OTUD7B: variants seen among roughly 807,000 people sequenced by gnomAD.
OTUD7B encodes the protein OTU domain-containing protein 7B.
Under a neutral mutation model 82.2 loss-of-function variants are expected in OTUD7B, and 34 were observed. The ratio of observed to expected loss-of-function variants is 0.41; its 90% CI spans 0.31 to 0.55. OTUD7B has a LOEUF of 0.55. Among genes scored for constraint, OTUD7B ranks in the 20% least tolerant of loss-of-function variants. The probability of loss-of-function intolerance (pLI) is 0.20; values close to 1 mark genes in which losing one functional copy is unlikely to be tolerated. For synonymous variants in OTUD7B, 398 were observed against 402.7 expected, an observed-to-expected ratio of 0.99 and a Z score of 0.14; for missense variants, 944 against 1,062.1, an observed-to-expected ratio of 0.89 and a Z score of 1.55.
chr1:149,965,679 G>A (rs1262160710), intron 5 of OTUD7B, 98 bp downstream of exon 5: 6 of 817,050 alleles, frequency 7.3e-6, no homozygotes, highest in Non-Finnish European at 8.2e-6. Context: ...CATCATTTCC[G>A]CCTAAGATCA....
At chr1:149,983,303 T>C (rs1397027321) in intron 1 of OTUD7B, among the ~76,000 whole-genome samples, 1 of 152,088 alleles carries the variant, frequency 6.6e-6, no homozygotes, top group Non-Finnish European at 1.5e-5. Context: ...ACACAATCCC[T>C]ATCCTCAAAA....
Position 149,947,283 on chromosome 1 carries a change from C to T in OTUD7B, c.1291G>A (p.Val431Met). 6.2e-7 allele frequency: 1 copy of T among 1,610,636 alleles called. No individual in the cohort carries two copies. Among genetic ancestry groups the T allele is most frequent in the Non-Finnish European group, 8.5e-7 (1 of 1,176,962 alleles). ...TCAGAGGACAGTGGGATCCACTTCA[C>T]ATTCATGTAGCTATGCAGCAGATGC... ...KLHLLHSYMNVKWIPLSSDAQ... is the reference protein window; with the variant it reads ...KLHLLHSYMNMKWIPLSSDAQ... The change falls in exon 11 of 12, where the codon GTG becomes ATG. Residue 431 changes from valine to methionine, a missense_variant. Val to Met is a conservative substitution (Grantham distance 21). Transcript: ENST00000581312.
At chr1:150,009,247 T>G (rs1652866248) in intron 1 of OTUD7B, among the ~76,000 whole-genome samples, 4 of 152,182 alleles carry the variant, frequency 2.6e-5, no homozygotes, top group Admixed American at 1.3e-4. Context: ...AGGAAGAAAA[T>G]TTTCTACATG....
the OTUD7B span, chr1:150,067,177 A>G: frequency 5.3e-5 from 8 of 152,140 alleles, no homozygotes; most frequent in Non-Finnish European, 1.2e-4. Context: ...TTGTTCATTC[A>G]TTCAACAAAT....
At chr1:150,019,294 C>T in the OTUD7B span, among the ~76,000 whole-genome samples, 1 of 152,228 alleles carries the variant, frequency 6.6e-6, no homozygotes, top group Non-Finnish European at 1.5e-5. Flanking sequence ...ACTCTTCACA[C>T]CCTGCCTGAA....
intron 7 of OTUD7B, among the ~76,000 whole-genome samples, chr1:149,954,226 T>C (rs2101764400): frequency 6.6e-6 from 1 of 152,328 alleles, no homozygotes; most frequent in South Asian, 2.1e-4. Flanking sequence ...GTCCCATCAA[T>C]ATCTAGTTTA....
At chr1:150,060,017 T>C in the OTUD7B span, among the ~76,000 whole-genome samples, 5 of 152,088 alleles carry the variant, frequency 3.3e-5, no homozygotes, top group African/African-American at 9.7e-5. Context: ...AAATAGAAGA[T>C]AGTTTAAAAG....
At position 149,944,801 on chromosome 1, in the gene OTUD7B, A is replaced by G. The variant is rs1224458655; in HGVS notation, c.1588T>C (p.Ser530Pro). ...CCTGTCCCCACCCCTCCAGGCTTTG[A>G]ACCCTTGCTGTGCATCAGGCCCCCC... ...NMGGLMHSKG[S>P]KPGGVGTGLG... The change falls in exon 12 of 12, where the codon TCA becomes CCA. Residue 530 changes from serine to proline, a missense_variant. By Grantham distance (74) the Ser-to-Pro change is moderately conservative (BLOSUM62 -1). This residue lies in a region of OTUD7B where 412 missense variants were observed against 418.7 expected (regional missense o/e 0.98). Coordinates refer to ENST00000581312, the MANE Select transcript of OTUD7B (RefSeq NM_020205.4). 6.2e-7 allele frequency: 1 copy of G among 1,613,692 alleles called. No homozygotes were observed. Among genetic ancestry groups the G allele is most frequent in the Middle Eastern group, 1.6e-4 (1 of 6,084 alleles).
intron 1 of OTUD7B, among the ~76,000 whole-genome samples, chr1:149,992,465 G>GTGTT (rs1651639476): frequency 1.1e-4 from 5 of 45,990 alleles, no homozygotes; most frequent in Middle Eastern, 0.018. Context: ...TTGTGTGCAT[G>GTGTT]TGTTTTTTTT....
chr1:150,020,995 T>A, the OTUD7B span, among the ~76,000 whole-genome samples: 4 of 152,234 alleles, frequency 2.6e-5, no homozygotes, highest in Non-Finnish European at 5.9e-5. Flanking sequence ...TCAGTCTCCA[T>A]CCCCTTACTT....
In OTUD7B at chr1:149,944,730, TTTC is replaced by T. The variant is rs587738429; in HGVS notation, c.1656_1658del (p.Lys553del). 18,834 of 1,613,744 alleles carry T rather than the reference TTTC, an allele frequency of 0.012. 140 individuals carry two copies. Among genetic ancestry groups the T allele is most frequent in the Non-Finnish European group, 0.014 (17,024 of 1,179,984 alleles). On this transcript the variant is annotated inframe_deletion, in exon 12 of 12. Transcript: ENST00000581312. ...CACCCTTCCAGCTCTTCAGTGAGTT[TTTC>T]TTCTTCTTCTCCAGTGTCTCAGTGC...
At chr1:149,966,846 T>C (rs1231708635) in intron 4 of OTUD7B, among the ~76,000 whole-genome samples, 1 of 152,192 alleles carries the variant, frequency 6.6e-6, no homozygotes, top group Non-Finnish European at 1.5e-5. Flanking sequence ...CTGATTAGCT[T>C]TTCCAAAATT....
At chr1:150,045,448 C>T in the OTUD7B span, among the ~76,000 whole-genome samples, 2 of 86,916 alleles carry the variant, frequency 2.3e-5, no homozygotes, top group African/African-American at 9.1e-5. Context: ...GCATGCTAAG[C>T]GTGCGCCCTA....
At chr1:149,993,386 C>T (rs1269923381) in intron 1 of OTUD7B, among the ~76,000 whole-genome samples, 1 of 152,144 alleles carries the variant, frequency 6.6e-6, no homozygotes, top group Non-Finnish European at 1.5e-5. Flanking sequence ...GATGCATCAG[C>T]CAATAAGTCG....
At chr1:150,059,306 C>CG in the OTUD7B span, among the ~76,000 whole-genome samples, 45 of 42,288 alleles carry the variant, frequency 1.1e-3, 7 homozygotes, top group South Asian at 7.9e-3. Flanking sequence ...ACCCCCCCCC[C>CG]CCCCGCCTCC....
In OTUD7B at chr1:149,966,933, T is replaced by A. The variant is rs1483585029; in HGVS notation, c.502+361A>T. Among the ~76,000 whole-genome samples the A allele has an allele frequency of 2.6e-5, 4 of 152,252 alleles. No homozygotes were observed. The East Asian group carries it at 5.8e-4, about 22-fold the overall frequency. On this transcript the variant is annotated intron_variant, in intron 4 of 11. Coordinates refer to ENST00000581312, the MANE Select transcript of OTUD7B (RefSeq NM_020205.4). ...AAACACAATTACAAACGTAAATACA[T>A]TTGGGGGGATAGGTTCACTACTGTG...
chr1:149,981,049 AAC>A (rs1286447666), intron 1 of OTUD7B, among the ~76,000 whole-genome samples: 3 of 149,478 alleles, frequency 2.0e-5, no homozygotes, highest in Middle Eastern at 3.2e-3. Context: ...AAGCAAACCA[AAC>A]ACACAGTTTT....
rs1448214875 is a variant in OTUD7B, at chr1:149,947,244, T to C, written c.1323+7A>G. On this transcript the variant is annotated splice_region_variant and intron_variant, in intron 11 of 11. Coordinates refer to ENST00000581312, the MANE Select transcript of OTUD7B (RefSeq NM_020205.4). ...CACACCAGGGTAGATGTGGGAGAAG[T>C]CTTCACCTGTGCATCAGAGGACAGT... is the stretch of plus-strand genomic sequence containing the variant. 2 of 1,546,090 alleles carry C rather than the reference T, an allele frequency of 1.3e-6. No homozygotes were observed. Among genetic ancestry groups the C allele is most frequent in the African/African-American group, 2.7e-5 (2 of 73,542 alleles).
At chr1:150,020,472 G>A in the OTUD7B span, among the ~76,000 whole-genome samples, 1 of 152,156 alleles carries the variant, frequency 6.6e-6, no homozygotes, top group Non-Finnish European at 1.5e-5. Context: ...GGGAGGTGGA[G>A]GTTGCAGTGA....
Sources: gnomAD v4.1 joint callset for allele counts (sites outside exome capture counted in the v4.1 genomes callset) on GRCh38, gnomAD v4.1.1 for gene constraint, gnomAD v4.1.1 regional missense constraint, MANE v1.5 for transcripts, NCBI Gene and HGNC (gene_info 2026-07-23, HGNC 2026-07-21) for gene names.